ARHGAP15: variants seen among roughly 807,000 people sequenced by gnomAD.
ARHGAP15 encodes Rho GTPase activating protein 15.
A neutral mutation model predicts 63.7 loss-of-function variants in ARHGAP15; 51 were observed. The observed-to-expected ratio is 0.80, with a 90% CI of 0.64 to 1.01. The LOEUF (loss-of-function observed/expected upper bound fraction) is 1.01, where lower values mean the gene tolerates loss of function less well. ARHGAP15 is among the 50% of genes least tolerant of loss of function. The probability of loss-of-function intolerance (pLI) is 0.00; values close to 1 mark genes in which losing one functional copy is unlikely to be tolerated. For missense variants in ARHGAP15, 560 were observed against 564.6 expected, an observed-to-expected ratio of 0.99 and a Z score of 0.08; for synonymous variants, 191 against 193.8, an observed-to-expected ratio of 0.99 and a Z score of 0.12.
intron 11 of ARHGAP15, among the ~76,000 whole-genome samples, chr2:143,614,293 C>T (rs778848442): frequency 6.6e-6 from 1 of 152,198 alleles, no homozygotes; most frequent in Non-Finnish European, 1.5e-5. Flanking sequence ...TACTTGATTA[C>T]ATTTTTTTCT....
In ARHGAP15 at chr2:143,285,472, C is replaced by T. The variant is rs191645330; in HGVS notation, c.474+34872C>T. Reference sequence around the variant, plus strand: ...ATTATTTTATTTTCCAATATCTTTACCTCGGTCAGGTGGCCAAACTGTCTG... The same window carrying T: ...ATTATTTTATTTTCCAATATCTTTATCTCGGTCAGGTGGCCAAACTGTCTG... On this transcript the variant is annotated intron_variant, in intron 6 of 13. Transcript: ENST00000295095. Among the ~76,000 whole-genome samples, 460 of 152,136 alleles carry T rather than the reference C, an allele frequency of 3.0e-3. 2 individuals carry two copies. The highest frequency in any genetic ancestry group is 7.0e-3 in the Admixed American group (107 of 15,270).
chr2:143,649,792 T>C (rs1681071095), intron 12 of ARHGAP15, among the ~76,000 whole-genome samples: 1 of 151,308 alleles, frequency 6.6e-6, no homozygotes, highest in Non-Finnish European at 1.5e-5. Flanking sequence ...AAATGCTAAT[T>C]GGACAGTCTA....
At chr2:143,542,070 G>A (rs1695089848) in intron 10 of ARHGAP15, among the ~76,000 whole-genome samples, 1 of 152,212 alleles carries the variant, frequency 6.6e-6, no homozygotes, top group Non-Finnish European at 1.5e-5. Flanking sequence ...TCAAGCCTGA[G>A]CAATTGCGGG....
chr2:143,754,086 G>T (rs1261923992), intron 13 of ARHGAP15, among the ~76,000 whole-genome samples: 1 of 152,146 alleles, frequency 6.6e-6, no homozygotes, highest in Non-Finnish European at 1.5e-5. Context: ...TCTTCTAAAT[G>T]ACTTGAATTT....
chr2:143,445,211 A>T (rs1558976458), intron 8 of ARHGAP15, among the ~76,000 whole-genome samples: 1 of 111,542 alleles, frequency 9.0e-6, no homozygotes, highest in Non-Finnish European at 1.7e-5. Context: ...CACAGGCTTG[A>T]GTGCAATGGC....
At chr2:143,238,485 A>G (rs1693741172) in intron 5 of ARHGAP15, 1 of 152,210 alleles carries the variant, frequency 6.6e-6, no homozygotes, top group South Asian at 2.1e-4. Flanking sequence ...AATCAAAACC[A>G]CAATGAGATA....
At chr2:143,266,081 T>C (rs1680977528) in intron 6 of ARHGAP15, among the ~76,000 whole-genome samples, 1 of 152,092 alleles carries the variant, frequency 6.6e-6, no homozygotes, top group Non-Finnish European at 1.5e-5. Context: ...GTTATTACTT[T>C]TTCATAGTAC....
intron 1 of ARHGAP15, among the ~76,000 whole-genome samples, chr2:143,134,147 CTAT>C (rs1558765518): frequency 2.2e-4 from 6 of 27,820 alleles, no homozygotes; most frequent in African/African-American, 4.3e-4. Flanking sequence ...ATCTATCTAT[CTAT>C]CTACCTATCT....
intron 6 of ARHGAP15, among the ~76,000 whole-genome samples, chr2:143,310,558 T>G (rs1408383797): frequency 6.6e-6 from 1 of 151,018 alleles, no homozygotes; most frequent in Non-Finnish European, 1.5e-5. Context: ...AATAAATTGT[T>G]TTAATCCATT....
chr2:143,592,972 A>G (rs897147323), intron 11 of ARHGAP15, among the ~76,000 whole-genome samples: 4 of 152,210 alleles, frequency 2.6e-5, no homozygotes, highest in African/African-American at 9.6e-5. Flanking sequence ...GGTTCCATAA[A>G]GAGACACTTT....
At chr2:143,390,506 G>C (rs1379025801) in intron 6 of ARHGAP15, among the ~76,000 whole-genome samples, 1 of 152,106 alleles carries the variant, frequency 6.6e-6, no homozygotes, top group African/African-American at 2.4e-5. Context: ...CTGTGATGCT[G>C]AGATTTAATT....
intron 8 of ARHGAP15, among the ~76,000 whole-genome samples, chr2:143,479,757 AG>A (rs1056349751): frequency 6.6e-6 from 1 of 150,534 alleles, no homozygotes; most frequent in African/African-American, 2.4e-5. Context: ...TTTTGTTTTA[AG>A]GAAAAAAAAA....
chr2:143,246,382 G>A (rs1574146490), intron 5 of ARHGAP15, among the ~76,000 whole-genome samples: 1 of 151,884 alleles, frequency 6.6e-6, no homozygotes, highest in African/African-American at 2.4e-5. Context: ...AGTTGTGACT[G>A]TTCCAGCACA....
chr2:143,639,009 C>G (rs1218135544), intron 12 of ARHGAP15, among the ~76,000 whole-genome samples: 1 of 152,002 alleles, frequency 6.6e-6, no homozygotes, highest in East Asian at 1.9e-4. Context: ...TATTAAGTAG[C>G]CTTCCTAAGG....
At chr2:143,380,935 C>T (rs151045755) in intron 6 of ARHGAP15, among the ~76,000 whole-genome samples, 6 of 152,172 alleles carry the variant, frequency 3.9e-5, no homozygotes, top group Non-Finnish European at 7.4e-5. Context: ...CTAGCATCCC[C>T]GGGCAATGTG....
intron 10 of ARHGAP15, among the ~76,000 whole-genome samples, chr2:143,544,931 G>A (rs1695262606): frequency 6.6e-6 from 1 of 152,152 alleles, no homozygotes; most frequent in Non-Finnish European, 1.5e-5. Context: ...TGTGTTTCCT[G>A]AGAATAGGAA....
At chr2:143,708,109 G>A (rs1439620842) in intron 13 of ARHGAP15, among the ~76,000 whole-genome samples, 3 of 152,094 alleles carry the variant, frequency 2.0e-5, no homozygotes. Flanking sequence ...CTTACTGGAT[G>A]TATAACCTTG....
chr2:143,136,138 CT>C (rs1689127826), intron 1 of ARHGAP15, among the ~76,000 whole-genome samples: 1 of 151,648 alleles, frequency 6.6e-6, no homozygotes, highest in African/African-American at 2.4e-5. Flanking sequence ...GGACAAGAGT[CT>C]AAGAATTATC....
intron 6 of ARHGAP15, among the ~76,000 whole-genome samples, chr2:143,371,878 C>T (rs1686573350): frequency 1.3e-5 from 2 of 152,084 alleles, no homozygotes. Flanking sequence ...TATTCCTTAA[C>T]CCAAACACTT....
Sources: allele counts gnomAD v4.1 joint callset (sites outside exome capture counted in the v4.1 genomes callset), GRCh38; gene constraint gnomAD v4.1.1; transcripts MANE v1.5; gene names NCBI Gene and HGNC (gene_info 2026-07-23, HGNC 2026-07-21).